NRXN3: variants seen among roughly 807,000 people sequenced by gnomAD.
NRXN3 encodes neurexin III.
NRXN3 carries 32 observed loss-of-function variants against 137.6 expected under a neutral mutation model. That is an observed-to-expected ratio of 0.23 (90% CI 0.18 to 0.31). NRXN3 has a LOEUF of 0.31. NRXN3 is among the 10% of genes least tolerant of loss of function. The pLI is 1.00. For missense variants in NRXN3, 1,574 were observed against 2,062.5 expected, an observed-to-expected ratio of 0.76 and a Z score of 4.59; for synonymous variants, 798 against 784.5, an observed-to-expected ratio of 1.02 and a Z score of -0.29.
chr14:78,560,545 T>C (rs1356537265), intron 4 of NRXN3, among the ~76,000 whole-genome samples: 1 of 152,198 alleles, frequency 6.6e-6, no homozygotes, highest in African/African-American at 2.4e-5. Flanking sequence ...CACTGGCCCT[T>C]CCAAGATGCT....
chr14:78,530,893 A>C (rs1042342042), intron 4 of NRXN3, among the ~76,000 whole-genome samples: 3 of 152,000 alleles, frequency 2.0e-5, no homozygotes, highest in Admixed American at 2.0e-4. Context: ...TTTCCTAAGA[A>C]CTCATTTTTT....
At position 78,969,624 on chromosome 14, in the gene NRXN3, AT is replaced by A. The variant is rs568676861; in HGVS notation, c.3142+1281del. On this transcript the variant is annotated intron_variant, in intron 14 of 20. Transcript: ENST00000335750. ...GTTAGCTCATCATCGTAAAGCACAC[AT>A]TTATAAAAGCTTCCTGTCAGCTTAT... Among the ~76,000 whole-genome samples the A allele has an allele frequency of 3.3e-4, 50 of 152,298 alleles. No individual in the cohort carries two copies. In the South Asian group the frequency reaches 6.2e-3, roughly 19 times the overall value.
chr14:79,572,387 T>C (rs1190673986), intron 16 of NRXN3, among the ~76,000 whole-genome samples: 2 of 152,222 alleles, frequency 1.3e-5, no homozygotes, highest in Admixed American at 6.5e-5. Context: ...TTCAGAACTA[T>C]AAATTACAAT....
intron 20 of NRXN3, among the ~76,000 whole-genome samples, chr14:79,821,494 G>A (rs2141042983): frequency 6.6e-6 from 1 of 152,184 alleles, no homozygotes; most frequent in East Asian, 1.9e-4. Flanking sequence ...GGTCAAACAA[G>A]GCATAATGAG....
intron 16 of NRXN3, among the ~76,000 whole-genome samples, chr14:79,614,328 C>T (rs1484659636): frequency 6.6e-6 from 1 of 152,124 alleles, no homozygotes; most frequent in African/African-American, 2.4e-5. Context: ...TGTAAAAACG[C>T]CCAGTTAGTT....
At position 79,127,802 on chromosome 14, in the gene NRXN3, C is replaced by T. The variant is rs531231893; in HGVS notation, c.3262+139661C>T. On this transcript the variant is annotated intron_variant, in intron 15 of 20. Transcript: ENST00000335750. ...TTTTCACGATATTGATTCTTCCTAC[C>T]GATGAGCATGGAATGTTCTTCCATT... Among the ~76,000 whole-genome samples the T allele has an allele frequency of 2.1e-4, 32 of 152,226 alleles. No individual in the cohort carries two copies. The East Asian group carries it at 6.0e-3, about 29-fold the overall frequency.
chr14:79,315,363 A>G (rs1042474557), intron 15 of NRXN3, among the ~76,000 whole-genome samples: 3 of 152,192 alleles, frequency 2.0e-5, no homozygotes, highest in Non-Finnish European at 2.9e-5. Flanking sequence ...TTTGTACTAT[A>G]TATTGTTCTA....
At chr14:78,456,620 T>C (rs2094709522) in intron 4 of NRXN3, among the ~76,000 whole-genome samples, 2 of 152,168 alleles carry the variant, frequency 1.3e-5, no homozygotes, top group Non-Finnish European at 2.9e-5. Context: ...TCATCTGTCA[T>C]TGCATTCATT....
intron 19 of NRXN3, among the ~76,000 whole-genome samples, chr14:79,743,403 A>G (rs138390686): frequency 5.9e-5 from 9 of 152,270 alleles, no homozygotes; most frequent in Non-Finnish European, 8.8e-5. Flanking sequence ...TCAGAAATCT[A>G]TTTGGATTTA....
intron 15 of NRXN3, among the ~76,000 whole-genome samples, chr14:79,465,205 T>C (rs140375748): frequency 1.8e-4 from 28 of 152,314 alleles, no homozygotes; most frequent in Non-Finnish European, 3.4e-4. Flanking sequence ...TTTAAATTCT[T>C]CACAGATGGA....
chr14:78,481,479 C>T (rs1395792993), intron 4 of NRXN3, among the ~76,000 whole-genome samples: 2 of 152,148 alleles, frequency 1.3e-5, no homozygotes, highest in African/African-American at 4.8e-5. Context: ...TATTAAGGCT[C>T]ATGGTGATTC....
chr14:78,460,721 A>C (rs2094898067), intron 4 of NRXN3, among the ~76,000 whole-genome samples: 1 of 152,232 alleles, frequency 6.6e-6, no homozygotes, highest in African/African-American at 2.4e-5. Context: ...TTCATGGATT[A>C]GGTCTGAGAT....
At chr14:78,307,691 C>G (rs1407399283) in intron 4 of NRXN3, among the ~76,000 whole-genome samples, 1 of 152,046 alleles carries the variant, frequency 6.6e-6, no homozygotes, top group Non-Finnish European at 1.5e-5. Flanking sequence ...AAAAGCCAGA[C>G]TAATAACACT....
At chr14:79,764,995 T>A (rs966157897) in intron 19 of NRXN3, among the ~76,000 whole-genome samples, 1 of 152,226 alleles carries the variant, frequency 6.6e-6, no homozygotes, top group Non-Finnish European at 1.5e-5. Flanking sequence ...GCTCTAAATT[T>A]GTCTCGCCCA....
intron 10 of NRXN3, among the ~76,000 whole-genome samples, chr14:78,833,023 T>A (rs2098986788): frequency 6.6e-6 from 1 of 152,212 alleles, no homozygotes; most frequent in Admixed American, 6.5e-5. Context: ...TGAAGATTTG[T>A]AACCTAGGGG....
At chr14:78,988,230 C>G in intron 15 of NRXN3, 89 bp downstream of exon 15, 5 of 1,489,128 alleles carry the variant, frequency 3.4e-6, no homozygotes, top group South Asian at 1.1e-5. Context: ...AAGGATGGCT[C>G]TTCTGAAAGA....
chr14:79,246,961 A>G (rs1421462609), intron 15 of NRXN3: 1 of 152,264 alleles, frequency 6.6e-6, no homozygotes, highest in Non-Finnish European at 1.5e-5. Flanking sequence ...ATTGCCTATC[A>G]TCCCACTAAC....
At chr14:78,287,766 T>A (rs1462119634) in intron 3 of NRXN3, among the ~76,000 whole-genome samples, 1 of 152,266 alleles carries the variant, frequency 6.6e-6, no homozygotes, top group Non-Finnish European at 1.5e-5. Context: ...GCTTTTGCCT[T>A]TAAGGATCTT....
intron 6 of NRXN3, among the ~76,000 whole-genome samples, chr14:78,679,790 C>T (rs66843553): frequency 0.15 from 23,058 of 152,092 alleles, 2,093 homozygotes; most frequent in African/African-American, 0.26. Flanking sequence ...ATGTATTAAA[C>T]ACTTCCATAT....
Sources: gnomAD v4.1 joint callset for allele counts (sites outside exome capture counted in the v4.1 genomes callset) on GRCh38, gnomAD v4.1.1 for gene constraint, MANE v1.5 for transcripts, NCBI Gene and HGNC (gene_info 2026-07-23, HGNC 2026-07-21) for gene names.